PPP1R14C: variants seen among roughly 807,000 people sequenced by gnomAD.
The protein encoded by PPP1R14C is protein phosphatase 1 regulatory inhibitor subunit 14C.
PPP1R14C carries 16 observed loss-of-function variants against 20.4 expected under a neutral mutation model. That is an observed-to-expected ratio of 0.78 (90% CI 0.53 to 1.19). PPP1R14C has a LOEUF of 1.19. Ranked by LOEUF, PPP1R14C falls within the 50% of genes most tolerant of loss-of-function variation. The pLI is 0.00. For synonymous variants in PPP1R14C, 91 were observed against 91.0 expected (o/e 1.00, Z 0.00); for missense variants, 211 against 220.1 (o/e 0.96, Z 0.26).
At chr6:150,180,834 G>A (rs1777612770) in intron 1 of PPP1R14C, among the ~76,000 whole-genome samples, 1 of 152,150 alleles carries the variant, frequency 6.6e-6, no homozygotes, top group Non-Finnish European at 1.5e-5. Context: ...GCTGAATGAT[G>A]ACCCTGGACT....
intron 1 of PPP1R14C, chr6:150,194,741 T>C (rs759000004): frequency 2.1e-5 from 21 of 985,368 alleles, no homozygotes; most frequent in Middle Eastern, 5.2e-4. Context: ...GAGGCTCTTA[T>C]AATTTGTTGC....
At chr6:150,242,374 G>C (rs1778442636) in intron 3 of PPP1R14C, among the ~76,000 whole-genome samples, 1 of 46,888 alleles carries the variant, frequency 2.1e-5, no homozygotes, top group South Asian at 5.9e-4. Flanking sequence ...AAGCCATTAT[G>C]ATCAAGTGTG....
chr6:150,226,776 C>A (rs1341836507), intron 3 of PPP1R14C, among the ~76,000 whole-genome samples: 1 of 151,952 alleles, frequency 6.6e-6, no homozygotes, highest in Non-Finnish European at 1.5e-5. Context: ...ATATCAAAGC[C>A]TATACATTGA....
intron 3 of PPP1R14C, among the ~76,000 whole-genome samples, chr6:150,228,405 C>T (rs1157535818): frequency 6.6e-6 from 1 of 152,218 alleles, no homozygotes; most frequent in Non-Finnish European, 1.5e-5. Context: ...GGAAGAGACA[C>T]AGGGGACAGA....
intron 1 of PPP1R14C, among the ~76,000 whole-genome samples, chr6:150,150,537 C>G (rs886290380): frequency 1.3e-5 from 2 of 152,180 alleles, no homozygotes; most frequent in Non-Finnish European, 2.9e-5. Context: ...GCCCACAGCT[C>G]TCTGTCAAGA....
At chr6:150,247,689 T>G (rs890096967) in intron 3 of PPP1R14C, among the ~76,000 whole-genome samples, 2 of 152,222 alleles carry the variant, frequency 1.3e-5, no homozygotes, top group Non-Finnish European at 2.9e-5. Flanking sequence ...TTTTTATCTA[T>G]AGTTTGCTGT....
rs1159579768 is a variant in PPP1R14C at position 150,249,753 on chromosome 6, GA to G, written c.*934del. ...CAGATCAAAAGAAAGTTAGCAGATC[GA>G]GTGTCTTCTTCCTTAGAAATAGGTT... On this transcript the variant is annotated 3_prime_UTR_variant, in exon 4 of 4. Transcript: ENST00000361131. 4 of 391,942 alleles carry G rather than the reference GA, an allele frequency of 1.0e-5. No homozygotes were observed. The highest frequency in any genetic ancestry group is 1.8e-5 in the Non-Finnish European group (4 of 222,378). The allele number at this position is 391,942 out of a possible 1,614,324, so 24.3% of individuals were successfully genotyped here.
intron 1 of PPP1R14C, among the ~76,000 whole-genome samples, chr6:150,173,811 A>G (rs1054766627): frequency 2.0e-5 from 3 of 151,984 alleles, no homozygotes; most frequent in Non-Finnish European, 4.4e-5. Context: ...AAGACTGCAG[A>G]CCTGAGGCTC....
At chr6:150,206,317 C>T (rs1334101590) in intron 1 of PPP1R14C, among the ~76,000 whole-genome samples, 1 of 152,176 alleles carries the variant, frequency 6.6e-6, no homozygotes, top group African/African-American at 2.4e-5. Flanking sequence ...TGTCTTCCCC[C>T]ATTAGAGTTT....
chr6:150,177,402 G>T (rs749062204), intron 1 of PPP1R14C, among the ~76,000 whole-genome samples: 35 of 152,208 alleles, frequency 2.3e-4, no homozygotes, highest in Non-Finnish European at 3.2e-4. Flanking sequence ...TGGTAGATAA[G>T]AAGTGAAAAT....
At chr6:150,183,186 AT>A (rs529133964) in intron 1 of PPP1R14C, among the ~76,000 whole-genome samples, 282 of 143,218 alleles carry the variant, frequency 2.0e-3, no homozygotes, top group South Asian at 0.014. Context: ...TTTGAAGGGG[AT>A]TTTTTTTTTT....
At chr6:150,225,907 A>T (rs543129799) in intron 3 of PPP1R14C, among the ~76,000 whole-genome samples, 1 of 152,368 alleles carries the variant, frequency 6.6e-6, no homozygotes, top group South Asian at 2.1e-4. Flanking sequence ...CAAGTTTGCC[A>T]ATAATGATAT....
At chr6:150,179,396 AAG>A (rs1382296732) in intron 1 of PPP1R14C, among the ~76,000 whole-genome samples, 2 of 143,264 alleles carry the variant, frequency 1.4e-5, no homozygotes, top group Non-Finnish European at 3.0e-5. Context: ...AACAGAAAGA[AAG>A]AGAGAAAGAG....
intron 1 of PPP1R14C, among the ~76,000 whole-genome samples, chr6:150,180,132 C>T (rs775045213): frequency 6.1e-4 from 93 of 152,220 alleles, no homozygotes; most frequent in South Asian, 1.7e-3. Context: ...AACCTGGGAT[C>T]TGAAGGTTGC....
intron 3 of PPP1R14C, among the ~76,000 whole-genome samples, chr6:150,219,259 C>T (rs763783038): frequency 2.0e-5 from 3 of 151,992 alleles, no homozygotes; most frequent in African/African-American, 7.2e-5. Flanking sequence ...GACAGGGTCT[C>T]GCTCTGTCAC....
In PPP1R14C at chr6:150,143,513, G is replaced by C. The variant is rs2114844832; in HGVS notation, c.306+15G>C. 6.6e-7 allele frequency: 1 copy of C among 1,514,000 alleles called. No individual in the cohort carries two copies. Among genetic ancestry groups the C allele is most frequent in the South Asian group, 1.2e-5 (1 of 84,044 alleles). The allele number at this position is 1,514,000 out of a possible 1,614,324, so 93.8% of individuals were successfully genotyped here. A position where few individuals can be genotyped will look rare whatever the true frequency, so the allele number is the denominator to read the frequency against. On this transcript the variant is annotated intron_variant, in intron 1 of 3. Coordinates refer to ENST00000361131, the MANE Select transcript of PPP1R14C (RefSeq NM_030949.3). This position sits in a 1 kb window ranked among gnomAD's most constrained non-coding sequence, Gnocchi z 5.6. The stretch of plus-strand genomic sequence containing the variant: ...ACGGCTGCGAGGTACCTGGGCGCGG[G>C]GCTGGGAGGGTCGGGGACCTCTCTA...
At chr6:150,199,844 G>C (rs1777854778) in intron 1 of PPP1R14C, among the ~76,000 whole-genome samples, 1 of 149,442 alleles carries the variant, frequency 6.7e-6, no homozygotes. Flanking sequence ...ATTATAGCCT[G>C]GGTGACAGAG....
At chr6:150,218,485 C>CCA (rs1491450929) in intron 3 of PPP1R14C, among the ~76,000 whole-genome samples, 2,845 of 125,502 alleles carry the variant, frequency 0.023, 162 homozygotes, top group African/African-American at 0.079. Context: ...CCCCCCCCCC[C>CCA]AAAAAAAAAT....
At chr6:150,161,756 T>C (rs945288783) in intron 1 of PPP1R14C, among the ~76,000 whole-genome samples, 9 of 152,372 alleles carry the variant, frequency 5.9e-5, no homozygotes, top group African/African-American at 2.2e-4. Flanking sequence ...TCTAGTTACT[T>C]AGGTCAGTAC....
Sources: gnomAD v4.1 joint callset for allele counts (sites outside exome capture counted in the v4.1 genomes callset) on GRCh38, gnomAD v4.1.1 for gene constraint, Gnocchi (gnomAD v3.1) non-coding constraint, MANE v1.5 for transcripts, NCBI Gene and HGNC (gene_info 2026-07-23, HGNC 2026-07-21) for gene names.